RANBP10: variants seen among roughly 807,000 people sequenced by gnomAD.
The protein encoded by RANBP10 is RAN binding protein 10.
Under a neutral mutation model 72.8 loss-of-function variants are expected in RANBP10, and 24 were observed. That is an observed-to-expected ratio of 0.33 (90% CI 0.24 to 0.46). The LOEUF (loss-of-function observed/expected upper bound fraction) is 0.46, where lower values mean the gene tolerates loss of function less well. Ranked by LOEUF, RANBP10 falls within the 20% of genes least tolerant of loss-of-function variation. RANBP10 has a pLI of 1.00. For synonymous variants in RANBP10, 310 were observed against 322.3 expected, an observed-to-expected ratio of 0.96 and a Z score of 0.41; for missense variants, 679 against 817.5, an observed-to-expected ratio of 0.83 and a Z score of 2.07.
chr16:67,806,329 G>A lies in RANBP10; in HGVS notation c.208C>T (p.Gln70Ter). 6.2e-7 allele frequency: 1 copy of A among 1,613,336 alleles called. No individual in the cohort carries two copies. The highest frequency in any genetic ancestry group is 8.5e-7 in the Non-Finnish European group (1 of 1,179,650). The change falls in exon 1 of 14, where the codon CAG (glutamine) becomes TAG (stop). Residue 70 changes from glutamine to a stop codon, truncating the protein, a stop_gained. Coordinates refer to ENST00000317506, the MANE Select transcript of RANBP10 (RefSeq NM_020850.3). LOFTEE classifies it high-confidence loss of function. ...TTGTAGTGGACGCGGAGGTTGCCCT[G>A]GGAGAGACCAATGTAGTTGTATTTG... ...KDKYNYIGLS[Q>*]GNLRVHYKGH...
chr16:67,776,636 G>A (rs1275809189), intron 2 of RANBP10, among the ~76,000 whole-genome samples: 3 of 151,294 alleles, frequency 2.0e-5, no homozygotes, highest in African/African-American at 7.3e-5. Flanking sequence ...AGCCGGGCGT[G>A]GTGGTGGGCA....
chr16:67,731,014 G>A (rs778471862), intron 7 of RANBP10: 6 of 174,206 alleles, frequency 3.4e-5, no homozygotes, highest in Non-Finnish European at 6.1e-5. Context: ...GTGGGGAGCA[G>A]AGGGTAGTGC....
chr16:67,782,684 C>T lies in RANBP10; in HGVS notation c.348-10598G>A, dbSNP rs114154827. ...TTGGCCAGGCTGGTCAACTCCTGAC[C>T]TCATGTAATCCGCCCAGCTCGGCTT... On this transcript the variant is annotated intron_variant, in intron 2 of 13. Coordinates refer to ENST00000317506, the MANE Select transcript of RANBP10 (RefSeq NM_020850.3). Among the ~76,000 whole-genome samples, 650 of 151,818 alleles carry T rather than the reference C, an allele frequency of 4.3e-3. 6 individuals are homozygous for T. Among genetic ancestry groups the T allele is most frequent in the African/African-American group, 0.015 (614 of 41,410 alleles).
At chr16:67,761,465 C>T (rs755326587) in intron 3 of RANBP10, among the ~76,000 whole-genome samples, 11 of 152,186 alleles carry the variant, frequency 7.2e-5, no homozygotes, top group Admixed American at 1.3e-4. Context: ...CTACAGCTAC[C>T]GTACTAAACA....
intron 4 of RANBP10, 112 bp downstream of exon 4, chr16:67,744,176 G>A (rs1352755536): frequency 2.5e-5 from 38 of 1,503,216 alleles, no homozygotes; most frequent in Non-Finnish European, 2.9e-5. Flanking sequence ...GAAATGGTGC[G>A]GTACCCCAGA....
intron 4 of RANBP10, chr16:67,738,508 A>AGT (rs1459332219): frequency 6.4e-6 from 1 of 155,188 alleles, no homozygotes; most frequent in Non-Finnish European, 1.4e-5. Context: ...GCTGGAGTGC[A>AGT]GTGGTGCGAT....
At chr16:67,772,852 C>T (rs2143012938) in intron 2 of RANBP10, among the ~76,000 whole-genome samples, 1 of 152,278 alleles carries the variant, frequency 6.6e-6, no homozygotes. Flanking sequence ...TGGCTGCTCT[C>T]CCCTTAGACA....
chr16:67,794,368 C>T (rs1000250912), intron 2 of RANBP10, among the ~76,000 whole-genome samples: 2 of 151,166 alleles, frequency 1.3e-5, no homozygotes, highest in Non-Finnish European at 2.9e-5. Flanking sequence ...ACTCAGGGGG[C>T]GGAGGTTGGA....
At chr16:67,790,196 C>T (rs192891411) in intron 2 of RANBP10, among the ~76,000 whole-genome samples, 1 of 151,284 alleles carries the variant, frequency 6.6e-6, no homozygotes, top group East Asian at 1.9e-4. Flanking sequence ...GGGTCAGACA[C>T]AAAAGGACCA....
At chr16:67,756,122 G>T (rs2054281485) in intron 3 of RANBP10, among the ~76,000 whole-genome samples, 2 of 152,140 alleles carry the variant, frequency 1.3e-5, no homozygotes, top group Non-Finnish European at 2.9e-5. Context: ...TTATCACCTT[G>T]GCACTCCCAG....
At position 67,806,318 on chromosome 16, in the gene RANBP10, G is replaced by A. The variant is rs145391816; in HGVS notation, c.219C>T (p.Leu73=). Residue 73 remains leucine (L), a synonymous_variant, in exon 1 of 14, where the codon CTC becomes CTT. Coordinates refer to ENST00000317506, the MANE Select transcript of RANBP10 (RefSeq NM_020850.3). The stretch of plus-strand genomic sequence containing the variant: ...GGCCGATACCTTTGTAGTGGACGCG[G>A]AGGTTGCCCTGGGAGAGACCAATGT... ...YNYIGLSQGN[L]RVHYKGHGKN... is the part of the protein sequence containing the mutation. 5.4e-4 allele frequency: 875 copies of A among 1,612,728 alleles called. No homozygotes were observed. Among genetic ancestry groups the A allele is most frequent in the Non-Finnish European group, 7.0e-4 (829 of 1,179,452 alleles).
intron 2 of RANBP10, among the ~76,000 whole-genome samples, chr16:67,799,252 CCCTA>C (rs1946854584): frequency 6.6e-6 from 1 of 151,076 alleles, no homozygotes; most frequent in Admixed American, 6.6e-5. Flanking sequence ...TTCAGTCTGG[CCCTA>C]CCGACCTCAT....
intron 2 of RANBP10, among the ~76,000 whole-genome samples, chr16:67,790,053 A>G (rs988520174): frequency 1.3e-5 from 2 of 151,284 alleles, no homozygotes; most frequent in African/African-American, 4.9e-5. Context: ...CCGAGATCGC[A>G]CCACTGCACT....
intron 2 of RANBP10, among the ~76,000 whole-genome samples, chr16:67,777,546 GA>G (rs370975609): frequency 2.4e-4 from 35 of 148,696 alleles, no homozygotes; most frequent in African/African-American, 7.1e-4. Flanking sequence ...AAAACAAAAC[GA>G]AAAAAAAAGT....
intron 4 of RANBP10, 73 bp downstream of exon 4, chr16:67,744,215 A>C: frequency 6.4e-7 from 1 of 1,557,668 alleles, no homozygotes; most frequent in Non-Finnish European, 8.7e-7. Context: ...TGCCTTGAGC[A>C]CTTGCCCCTG....
rs1218796237 is a variant in RANBP10 at position 67,749,118 on chromosome 16, A to G, written c.401-4663T>C. The stretch of plus-strand genomic sequence containing the variant: ...CAGCAAGCAAAGGTGTGGGAATGAG[A>G]AAAGAAGGATAACAGGGCCAAGGGC... On this transcript the variant is annotated intron_variant, in intron 3 of 13. Transcript: ENST00000317506. 2.0e-5 allele frequency among the ~76,000 whole-genome samples: 3 copies of G among 152,118 alleles called. No homozygotes were observed. The East Asian group carries it at 5.8e-4, about 29-fold the overall frequency.
intron 2 of RANBP10, among the ~76,000 whole-genome samples, chr16:67,798,794 G>A (rs1380252453): frequency 1.3e-5 from 2 of 152,182 alleles, no homozygotes; most frequent in Admixed American, 1.3e-4. Context: ...GGCCAGAGAA[G>A]CCTGGCTGAA....
chr16:67,734,724 T>C (rs2053805160), intron 6 of RANBP10, 134 bp downstream of exon 6: 1 of 902,978 alleles, frequency 1.1e-6, no homozygotes, highest in African/African-American at 1.7e-5. Flanking sequence ...GCAGGCTGAA[T>C]GGCCCTGGGA....
intron 2 of RANBP10, among the ~76,000 whole-genome samples, chr16:67,776,311 A>C (rs2054703675): frequency 6.6e-6 from 1 of 151,048 alleles, no homozygotes; most frequent in Non-Finnish European, 1.5e-5. Flanking sequence ...AATACAAAAA[A>C]ATTAGCCGGG....
Sources: gnomAD v4.1 joint callset for allele counts (sites outside exome capture counted in the v4.1 genomes callset) on GRCh38, gnomAD v4.1.1 for gene constraint, MANE v1.5 for transcripts, NCBI Gene and HGNC (gene_info 2026-07-23, HGNC 2026-07-21) for gene names.